The following PRPSAP1 variants were observed in gnomAD, a reference collection of about 807,000 sequenced individuals.
PRPSAP1 encodes phosphoribosyl pyrophosphate synthase-associated protein 1.
In PRPSAP1, 31 loss-of-function variants were observed where a neutral mutation model predicts 39.4. That is an observed-to-expected ratio of 0.79 (90% CI 0.59 to 1.06). PRPSAP1 has a LOEUF of 1.06. Ranked by LOEUF, PRPSAP1 falls within the 50% of genes least tolerant of loss-of-function variation. The pLI, the probability that PRPSAP1 is intolerant of heterozygous loss-of-function variation, is 0.00. For synonymous variants in PRPSAP1, 212 were observed against 192.6 expected (o/e 1.10, Z -0.83); for missense variants, 430 against 511.6 (o/e 0.84, Z 1.54).
At chr17:76,320,298 GAAAA>G (rs781372748) in intron 7 of PRPSAP1, among the ~76,000 whole-genome samples, 2,111 of 39,252 alleles carry the variant, frequency 0.054, 146 homozygotes, top group African/African-American at 0.22. Flanking sequence ...AAGAAAGAAA[GAAAA>G]GAAAGGAAGG....
chr17:76,311,401 C>T lies in PRPSAP1; in HGVS notation c.*141G>A. ...TTCTTCCTGACTCTTTTAATCCCTCCTCCCCATCAATCCGGGCAAAAGAAG... is the reference window on the plus strand; with the variant it reads ...TTCTTCCTGACTCTTTTAATCCCTCTTCCCCATCAATCCGGGCAAAAGAAG... On this transcript the variant is annotated 3_prime_UTR_variant, in exon 10 of 10. Coordinates refer to ENST00000446526, the MANE Select transcript of PRPSAP1 (RefSeq NM_002766.3). 1 of 883,118 alleles carries T rather than the reference C, an allele frequency of 1.1e-6. No individual in the cohort carries two copies. The highest frequency in any genetic ancestry group is 1.9e-5 in the South Asian group (1 of 51,652). 54.7% of individuals were successfully genotyped at this position (883,118 alleles called of 1,614,324 possible).
chr17:76,318,273 C>G (rs1053230784), intron 7 of PRPSAP1, among the ~76,000 whole-genome samples: 1 of 152,076 alleles, frequency 6.6e-6, no homozygotes, highest in African/African-American at 2.4e-5. Context: ...GATGGTGAAA[C>G]CCCATCTCTA....
chr17:76,352,074 A>C (rs994540130), intron 1 of PRPSAP1, among the ~76,000 whole-genome samples: 1 of 152,076 alleles, frequency 6.6e-6, no homozygotes, highest in Non-Finnish European at 1.5e-5. Context: ...ATTAAAAAAA[A>C]AAACAAGCAG....
chr17:76,311,619 G>C lies in PRPSAP1; in HGVS notation c.1081C>G (p.Leu361Val), dbSNP rs748072607. Residue 361 changes from leucine to valine, a missense_variant, in exon 10 of 10, where the codon CTT becomes GTT. Physicochemically the swap from Leu to Val is conservative, Grantham distance 32. Around this residue, in one of 2 missense-constraint regions of PRPSAP1, gnomAD observed 278 missense variants for 376.3 expected, o/e 0.74. Coordinates refer to ENST00000446526, the MANE Select transcript of PRPSAP1 (RefSeq NM_002766.3). ...TGGATTCTCCGAATGGCTTCAGAAA[G>C]AATCAAACTGATATCCACAGTCTTT... ...KIKTVDISLI[L>V]SEAIRRIHNG... 1.2e-6 allele frequency: 2 copies of C among 1,614,176 alleles called. No homozygotes were observed. Among genetic ancestry groups the C allele is most frequent in the Non-Finnish European group, 1.7e-6 (2 of 1,180,020 alleles).
At chr17:76,341,669 G>T (rs144919316) in intron 3 of PRPSAP1, among the ~76,000 whole-genome samples, 2 of 152,212 alleles carry the variant, frequency 1.3e-5, no homozygotes, top group African/African-American at 4.8e-5. Context: ...GCTGGGCACC[G>T]TGGCTCACGC....
intron 3 of PRPSAP1, among the ~76,000 whole-genome samples, chr17:76,343,255 G>C (rs1000108425): frequency 6.6e-6 from 1 of 152,230 alleles, no homozygotes; most frequent in Non-Finnish European, 1.5e-5. Context: ...GATGAGAAAG[G>C]AGATAGTCCC....
chr17:76,337,340 C>A (rs571565945), intron 3 of PRPSAP1: 1 of 152,396 alleles, frequency 6.6e-6, no homozygotes, highest in South Asian at 2.1e-4. Context: ...AGCACATATA[C>A]TAAAATTGGA....
chr17:76,341,143 C>T (rs959384380), intron 3 of PRPSAP1, among the ~76,000 whole-genome samples: 4 of 152,070 alleles, frequency 2.6e-5, no homozygotes, highest in African/African-American at 9.6e-5. Context: ...CATGCACCAA[C>T]TCAGTTCAGT....
At chr17:76,320,925 G>A (rs570816078) in intron 7 of PRPSAP1, among the ~76,000 whole-genome samples, 8 of 151,424 alleles carry the variant, frequency 5.3e-5, no homozygotes, top group African/African-American at 1.9e-4. Context: ...GGGACCACAG[G>A]TGCATGCCAC....
chr17:76,344,191 G>A (rs970481440), intron 3 of PRPSAP1, among the ~76,000 whole-genome samples: 1 of 152,020 alleles, frequency 6.6e-6, no homozygotes, highest in African/African-American at 2.4e-5. Flanking sequence ...GCAGTGGCGC[G>A]ATCTCGGCTC....
At chr17:76,350,137 T>TA (rs927297343) in intron 1 of PRPSAP1, among the ~76,000 whole-genome samples, 1 of 150,458 alleles carries the variant, frequency 6.6e-6, no homozygotes, top group Non-Finnish European at 1.5e-5. Flanking sequence ...TATTTGGCCT[T>TA]AAAAAAAGAA....
rs2071142852 is a variant in PRPSAP1, at chr17:76,317,971, CACTACTG to C, written c.782-4087_782-4081del. On this transcript the variant is annotated intron_variant, in intron 7 of 9. Coordinates refer to ENST00000446526, the MANE Select transcript of PRPSAP1 (RefSeq NM_002766.3). ...TCTAAAATGAGCTTCTCAGCCTTAG[CACTACTG>C]ACATTTTGGACTGGGTGATTATCAC... 2.6e-5 allele frequency among the ~76,000 whole-genome samples: 4 copies of C among 152,222 alleles called. No homozygotes were observed. The South Asian group carries it at 8.3e-4, about 32-fold the overall frequency.
chr17:76,316,826 T>C (rs1183844642), intron 7 of PRPSAP1, among the ~76,000 whole-genome samples: 1 of 152,240 alleles, frequency 6.6e-6, no homozygotes, highest in Non-Finnish European at 1.5e-5. Flanking sequence ...AAGGTAGCCT[T>C]TTCCAAGTAA....
At chr17:76,353,237 A>T in intron 1 of PRPSAP1, 1 of 365,750 alleles carries the variant, frequency 2.7e-6, no homozygotes, top group Non-Finnish European at 5.0e-6. Flanking sequence ...CCGGGGCTCC[A>T]GAAAGCTCGG....
rs151090455 is a variant in PRPSAP1, at chr17:76,345,981, AG to A, written c.224-1245del. The A allele has an allele frequency of 4.6e-3, 2,165 of 473,810 alleles. 55 individuals are homozygous for A. Among genetic ancestry groups the A allele is most frequent in the African/African-American group, 0.041 (2,014 of 49,244 alleles). The allele number at this position is 473,810 out of a possible 1,614,324, so 29.4% of individuals were successfully genotyped here. Reference sequence around the variant, plus strand: ...CCCAGGCCTAAAAAGGCCACTGCAAAGAAGGGAGAGAAGGTACCCAAGGGAA... The same window carrying A: ...CCCAGGCCTAAAAAGGCCACTGCAAAAAGGGAGAGAAGGTACCCAAGGGAA... On this transcript the variant is annotated intron_variant, in intron 2 of 9. Coordinates refer to ENST00000446526, the MANE Select transcript of PRPSAP1 (RefSeq NM_002766.3).
intron 3 of PRPSAP1, among the ~76,000 whole-genome samples, 172 bp from the exon 4 acceptor site, chr17:76,332,607 G>A (rs1031332302): frequency 2.6e-5 from 4 of 152,184 alleles, no homozygotes; most frequent in African/African-American, 9.7e-5. Context: ...CTGACTTTTT[G>A]TAGCTGAGTA....
chr17:76,333,617 C>T (rs997422541), intron 3 of PRPSAP1, among the ~76,000 whole-genome samples: 1 of 151,818 alleles, frequency 6.6e-6, no homozygotes, highest in Non-Finnish European at 1.5e-5. Flanking sequence ...TGCACTCCAG[C>T]CTGGGCAACA....
chr17:76,312,769 A>G (rs1275033486), intron 9 of PRPSAP1, 101 bp downstream of exon 9: 1 of 1,409,312 alleles, frequency 7.1e-7, no homozygotes, highest in Non-Finnish European at 9.4e-7. Flanking sequence ...AAGCTAGAAA[A>G]GCTATAGACA....
chr17:76,335,602 G>A (rs1444702533), intron 3 of PRPSAP1, among the ~76,000 whole-genome samples: 3 of 151,380 alleles, frequency 2.0e-5, no homozygotes, highest in South Asian at 4.2e-4. Context: ...TGATCCAACC[G>A]CCTCGGCCTC....
Sources: allele counts gnomAD v4.1 joint callset (sites outside exome capture counted in the v4.1 genomes callset), GRCh38; gene constraint gnomAD v4.1.1; regional missense constraint gnomAD v4.1.1; transcripts MANE v1.5; gene names NCBI Gene and HGNC (gene_info 2026-07-23, HGNC 2026-07-21).